HERC2: variants seen among roughly 807,000 people sequenced by gnomAD.
HERC2 encodes the protein E3 ubiquitin-protein ligase HERC2.
A neutral mutation model predicts 537.7 loss-of-function variants in HERC2; 102 were observed. The ratio of observed to expected loss-of-function variants is 0.19; its 90% CI spans 0.16 to 0.22. The LOEUF (loss-of-function observed/expected upper bound fraction) is 0.22. Among genes scored for constraint, HERC2 ranks in the 10% least tolerant of loss-of-function variants. The probability of loss-of-function intolerance (pLI) is 1.00; values close to 1 mark genes in which losing one functional copy is unlikely to be tolerated. For synonymous variants in HERC2, 2,224 were observed against 2,466.2 expected (o/e 0.90, Z 2.91); for missense variants, 4,236 against 6,198.2 (o/e 0.68, Z 10.63).
intron 69 of HERC2, among the ~76,000 whole-genome samples, chr15:28,162,852 C>T (rs1056361018): frequency 2.6e-5 from 4 of 152,228 alleles, no homozygotes; most frequent in African/African-American, 7.2e-5. Flanking sequence ...GATGGCGCCA[C>T]TGCACTCTAG....
At chr15:28,281,176 CTCT>C (rs1381284607) in intron 4 of HERC2, among the ~76,000 whole-genome samples, 1 of 152,154 alleles carries the variant, frequency 6.6e-6, no homozygotes, top group East Asian at 1.9e-4. Context: ...ATATTATTCT[CTCT>C]TCTTCTATGT....
intron 75 of HERC2, 48 bp from the exon 76 acceptor site, chr15:28,142,441 G>A (rs1218185795): frequency 6.3e-7 from 1 of 1,581,930 alleles, no homozygotes; most frequent in Non-Finnish European, 8.6e-7. Flanking sequence ...GAAATGCAGT[G>A]AACAGGCCAA....
intron 43 of HERC2, among the ~76,000 whole-genome samples, chr15:28,211,703 A>G (rs1899254908): frequency 6.6e-6 from 1 of 152,146 alleles, no homozygotes; most frequent in Non-Finnish European, 1.5e-5. Flanking sequence ...CAGCTACTAG[A>G]GAAAGCCAGC....
chr15:28,163,253 C>A lies in HERC2; in HGVS notation c.10587G>T (p.Pro3529=). The A allele has an allele frequency of 1.2e-6, 2 of 1,613,580 alleles. No homozygotes were observed. Among genetic ancestry groups the A allele is most frequent in the Non-Finnish European group, 1.7e-6 (2 of 1,179,976 alleles). ...TGAACTCATCCAAGGCCTGAGGCTC[C>A]GGACCTGCTGCTTTATTTTGGCTTT... ...DVESQNKAAG[P]EPQALDEFTS... Residue 3529 remains proline, a synonymous_variant, in exon 69 of 93, where the codon CCG becomes CCT. Transcript: ENST00000261609.
intron 5 of HERC2, among the ~76,000 whole-genome samples, chr15:28,276,208 A>C (rs999062182): frequency 2.0e-5 from 3 of 151,080 alleles, no homozygotes; most frequent in African/African-American, 7.3e-5. Flanking sequence ...AAAAAAAAAA[A>C]AAAAAAAAAG....
At chr15:28,220,032 G>C (rs1900351922) in intron 37 of HERC2, among the ~76,000 whole-genome samples, 1 of 152,174 alleles carries the variant, frequency 6.6e-6, no homozygotes, top group Non-Finnish European at 1.5e-5. Flanking sequence ...CAGGTGGCAG[G>C]TGGGGTGTGC....
In HERC2 at chr15:28,196,446, A is replaced by G. The variant is rs760934802; in HGVS notation, c.8120+15T>C. The stretch of plus-strand genomic sequence containing the variant: ...TCGTCCCAAAGCAAATCTAGCAACC[A>G]TAAAAATAACTCACGTAACCCCAGG... On this transcript the variant is annotated intron_variant, in intron 51 of 92. Transcript: ENST00000261609. 6 of 1,605,522 alleles carry G rather than the reference A, an allele frequency of 3.7e-6. No homozygotes were observed. Among genetic ancestry groups the G allele is most frequent in the Non-Finnish European group, 4.3e-6 (5 of 1,173,606 alleles).
chr15:28,190,935 T>C (rs1156784352), intron 55 of HERC2, 30 bp downstream of exon 55: 1 of 1,455,258 alleles, frequency 6.9e-7, no homozygotes, highest in Admixed American at 1.7e-5. Flanking sequence ...CTGTAAATCA[T>C]CCAAATGGAA....
chr15:28,126,442 A>T (rs1400642294), intron 83 of HERC2, among the ~76,000 whole-genome samples: 1 of 152,376 alleles, frequency 6.6e-6, no homozygotes, highest in East Asian at 1.9e-4. Flanking sequence ...ACATGTTTAT[A>T]GCAGCACAAT....
At position 28,237,060 on chromosome 15, in the gene HERC2, C is replaced by A; in HGVS notation, c.3906G>T (p.Leu1302=). The part of the protein sequence containing the change: ...IPDLGSLSSP[L]IDTERNLGLL... ...GGCCCAGATTCCTCTCTGTGTCTAT[C>A]AGAGGTGAAGAGAGACTCCCCAGAT... The change falls in exon 26 of 93, where the codon CTG becomes CTT. Residue 1302 remains leucine, a synonymous_variant. Transcript: ENST00000261609. 1.2e-6 allele frequency: 2 copies of A among 1,605,432 alleles called. No homozygotes were observed. Among genetic ancestry groups the A allele is most frequent in the Non-Finnish European group, 1.7e-6 (2 of 1,173,902 alleles).
Position 28,214,807 on chromosome 15 carries a change from TA to T in HERC2, c.6211-6del. On this transcript the variant is annotated splice_region_variant and splice_polypyrimidine_tract_variant and intron_variant, in intron 39 of 92. Coordinates refer to ENST00000261609, the MANE Select transcript of HERC2 (RefSeq NM_004667.6). ...CAACAAATGCACAGCTAAGATCTGA[TA>T]AAAGAAAATTTATAACGACAAGCAT... The T allele has an allele frequency of 6.2e-7, 1 of 1,604,282 alleles. No homozygotes were observed. Among genetic ancestry groups the T allele is most frequent in the Non-Finnish European group, 8.5e-7 (1 of 1,175,776 alleles).
At position 28,270,693 on chromosome 15, in the gene HERC2, A is replaced by G. The variant is rs1337542348; in HGVS notation, c.1257+2T>C. ...TGGAGAACACGGTTCTTGCACACACACCTTATGAGATGTCGGAGAGCTACA... is the reference window on the plus strand; with the variant it reads ...TGGAGAACACGGTTCTTGCACACACGCCTTATGAGATGTCGGAGAGCTACA... On this transcript the variant is annotated splice_donor_variant, in intron 10 of 92. Transcript: ENST00000261609. LOFTEE classifies it high-confidence loss of function. 2.5e-6 allele frequency: 4 copies of G among 1,613,010 alleles called. No individual in the cohort carries two copies. The highest frequency in any genetic ancestry group is 3.4e-6 in the Non-Finnish European group (4 of 1,179,422).
chr15:28,316,381 T>G (rs1045906583), intron 2 of HERC2, among the ~76,000 whole-genome samples: 2 of 152,192 alleles, frequency 1.3e-5, no homozygotes, highest in Admixed American at 1.3e-4. Context: ...GGCTCATACA[T>G]GTAATCACAG....
intron 20 of HERC2, 133 bp from the exon 21 acceptor site, chr15:28,248,869 C>G (rs1903980374): frequency 1.4e-6 from 1 of 704,576 alleles, no homozygotes; most frequent in Non-Finnish European, 2.3e-6. Context: ...TGGCTTCCCT[C>G]CCCAAGTGTG....
intron 2 of HERC2, among the ~76,000 whole-genome samples, chr15:28,306,617 T>A (rs1169211677): frequency 2.0e-5 from 3 of 152,210 alleles, no homozygotes; most frequent in African/African-American, 7.2e-5. Context: ...TCCTCCTCTA[T>A]TTTTCAGAAT....
chr15:28,164,454 T>C (rs1893928449), intron 68 of HERC2, among the ~76,000 whole-genome samples: 1 of 152,190 alleles, frequency 6.6e-6, no homozygotes, highest in Admixed American at 6.5e-5. Context: ...TTCCAGAACA[T>C]AACTCACTGA....
intron 5 of HERC2, among the ~76,000 whole-genome samples, chr15:28,276,759 CA>C (rs142355405): frequency 4.3e-4 from 64 of 149,632 alleles, no homozygotes; most frequent in African/African-American, 1.4e-3. Flanking sequence ...AAAACAAAAA[CA>C]AAAAAAAACT....
intron 66 of HERC2, among the ~76,000 whole-genome samples, chr15:28,168,925 G>A (rs1264907968): frequency 6.6e-6 from 1 of 152,218 alleles, no homozygotes; most frequent in Non-Finnish European, 1.5e-5. Context: ...TAATTGACCA[G>A]CAGGCAATTT....
chr15:28,183,492 T>C (rs1344992460), intron 56 of HERC2, among the ~76,000 whole-genome samples: 1 of 152,130 alleles, frequency 6.6e-6, no homozygotes. Context: ...GGATTACAGG[T>C]GGGAGCCACC....
Sources: allele counts gnomAD v4.1 joint callset (sites outside exome capture counted in the v4.1 genomes callset), GRCh38; gene constraint gnomAD v4.1.1; transcripts MANE v1.5; gene names NCBI Gene and HGNC (gene_info 2026-07-23, HGNC 2026-07-21).